The following EEA1 variants were observed in gnomAD, a reference collection of about 807,000 sequenced individuals.
The protein encoded by EEA1 is early endosome antigen 1, also known as early endosome antigen 1, 162kD.
Under a neutral mutation model 209.2 loss-of-function variants are expected in EEA1, and 111 were observed. That is an observed-to-expected ratio of 0.53 (90% CI 0.45 to 0.62). EEA1 has a LOEUF of 0.62. Among genes scored for constraint, EEA1 ranks in the 20% least tolerant of loss-of-function variants. EEA1 has a pLI of 0.00. For missense variants in EEA1, 1,343 were observed against 1,530.8 expected (o/e 0.88, Z 2.05); for synonymous variants, 536 against 540.6 (o/e 0.99, Z 0.12).
intron 3 of EEA1, among the ~76,000 whole-genome samples, chr12:92,863,285 G>A (rs1878229073): frequency 6.6e-6 from 1 of 152,182 alleles, no homozygotes. Context: ...AATCTGACTT[G>A]GCACTATGAC....
In EEA1 at chr12:92,925,698, G is replaced by GT. The variant is rs559629836; in HGVS notation, c.24+3344dup. Among the ~76,000 whole-genome samples the GT allele has an allele frequency of 1.1e-4, 16 of 152,210 alleles. No homozygotes were observed. The East Asian group carries it at 2.7e-3, about 26-fold the overall frequency. On this transcript the variant is annotated intron_variant, in intron 1 of 28. Coordinates refer to ENST00000322349, the MANE Select transcript of EEA1 (RefSeq NM_003566.4). Reference sequence around the variant, plus strand: ...TACTTCACTTTGGTTTTGTTTTGAGGTTTTTTTGTTTTTGTTTTCCAGCTT... The same window carrying GT: ...TACTTCACTTTGGTTTTGTTTTGAGGTTTTTTTTGTTTTTGTTTTCCAGCTT...
chr12:92,913,275 T>TC (rs1880643232), intron 1 of EEA1, among the ~76,000 whole-genome samples: 1 of 152,252 alleles, frequency 6.6e-6, no homozygotes, highest in Admixed American at 6.5e-5. Flanking sequence ...CAATGCATTT[T>TC]TAATTTGCAT....
intron 2 of EEA1, among the ~76,000 whole-genome samples, chr12:92,888,465 T>C (rs1463690182): frequency 6.6e-6 from 1 of 151,718 alleles, no homozygotes; most frequent in African/African-American, 2.4e-5. Flanking sequence ...TAGTCCCAGC[T>C]ACTCGGGAGG....
chr12:92,860,263 C>T (rs1261305294), intron 3 of EEA1, among the ~76,000 whole-genome samples: 7 of 152,126 alleles, frequency 4.6e-5, no homozygotes, highest in East Asian at 1.9e-4. Flanking sequence ...TACCAGATAA[C>T]GTTTTTTTTT....
Position 92,872,111 on chromosome 12 carries a change from C to T in EEA1, c.118-7124G>A, listed in dbSNP as rs186207289. ...TCGCCCAGGCTGGAGTGCAGTGGCA[C>T]GATCTTGGCTCACTGCAACCTCCTC... On this transcript the variant is annotated intron_variant, in intron 2 of 28. Coordinates refer to ENST00000322349, the MANE Select transcript of EEA1 (RefSeq NM_003566.4). Among the ~76,000 whole-genome samples, 27 of 148,852 alleles carry T rather than the reference C, an allele frequency of 1.8e-4. No homozygotes were observed. In the East Asian group the frequency reaches 4.9e-3, roughly 27 times the overall value.
intron 17 of EEA1, among the ~76,000 whole-genome samples, chr12:92,809,912 G>A (rs375073093): frequency 4.6e-5 from 7 of 152,216 alleles, no homozygotes; most frequent in South Asian, 2.1e-4. Context: ...AAGTTCTCAC[G>A]TACTCCTTCT....
chr12:92,896,368 G>A (rs1206355945), intron 1 of EEA1, among the ~76,000 whole-genome samples: 2 of 152,090 alleles, frequency 1.3e-5, no homozygotes, highest in East Asian at 3.8e-4. Flanking sequence ...TCTGCTACTG[G>A]AGAAGATGCT....
Position 92,798,387 on chromosome 12 carries a change from C to T in EEA1, c.2967+505G>A, listed in dbSNP as rs147113098. Among the ~76,000 whole-genome samples the T allele has an allele frequency of 3.1e-3, 461 of 150,938 alleles. 1 individual carries two copies. Among genetic ancestry groups the T allele is most frequent in the African/African-American group, 0.01 (430 of 41,058 alleles). ...AGACAGAGTACCTCTGTCGCCCAGG[C>T]TGAAGTGCAGCGGCATGATCTCAGC... On this transcript the variant is annotated intron_variant, in intron 21 of 28. Coordinates refer to ENST00000322349, the MANE Select transcript of EEA1 (RefSeq NM_003566.4).
chr12:92,815,974 G>T (rs938673192), intron 15 of EEA1, among the ~76,000 whole-genome samples: 2 of 151,418 alleles, frequency 1.3e-5, no homozygotes, highest in Non-Finnish European at 2.9e-5. Context: ...GAGAAAGGAA[G>T]AGTGAGAGGA....
rs187575332 is a variant in EEA1, at chr12:92,868,601, C to T, written c.118-3614G>A. Among the ~76,000 whole-genome samples the T allele has an allele frequency of 2.0e-3, 306 of 152,246 alleles. 3 individuals are homozygous for T. The highest frequency in any genetic ancestry group is 7.2e-3 in the African/African-American group (297 of 41,532). On this transcript the variant is annotated intron_variant, in intron 2 of 28. Coordinates refer to ENST00000322349, the MANE Select transcript of EEA1 (RefSeq NM_003566.4). ...ACTTCCAAAAATTACCAGATTAATA[C>T]CCTGAAATAAATGATTCATTCCTAA... is the stretch of plus-strand genomic sequence containing the variant.
intron 1 of EEA1, among the ~76,000 whole-genome samples, chr12:92,913,883 A>G (rs1443969798): frequency 6.6e-6 from 1 of 151,974 alleles, no homozygotes; most frequent in African/African-American, 2.4e-5. Flanking sequence ...CTGGTCTTCA[A>G]CTCATGACCT....
intron 1 of EEA1, 90 bp from the exon 2 acceptor site, chr12:92,891,811 T>A: frequency 1.2e-6 from 1 of 856,376 alleles, no homozygotes; most frequent in Non-Finnish European, 1.8e-6. Flanking sequence ...CCTTTTCACA[T>A]AAGAAAAGTA....
At chr12:92,898,708 T>G (rs1210757113) in intron 1 of EEA1, among the ~76,000 whole-genome samples, 2 of 149,154 alleles carry the variant, frequency 1.3e-5, no homozygotes, top group African/African-American at 4.9e-5. Flanking sequence ...AACTATGTCT[T>G]CTTTTTTTTT....
intron 22 of EEA1, among the ~76,000 whole-genome samples, 158 bp from the exon 23 acceptor site, chr12:92,782,293 A>G (rs1873939325): frequency 1.3e-5 from 2 of 152,244 alleles, no homozygotes; most frequent in Non-Finnish European, 2.9e-5. Context: ...ATTCTAAAAT[A>G]TTAACTCTCT....
chr12:92,838,708 G>A (rs1005297990), intron 10 of EEA1, among the ~76,000 whole-genome samples: 3 of 152,056 alleles, frequency 2.0e-5, no homozygotes, highest in African/African-American at 7.2e-5. Flanking sequence ...ATTTCACTTC[G>A]AGTATCTAAC....
chr12:92,798,392 G>A (rs1203979701), intron 21 of EEA1, among the ~76,000 whole-genome samples: 4 of 150,318 alleles, frequency 2.7e-5, no homozygotes, highest in Non-Finnish European at 5.9e-5. Flanking sequence ...CCAGGCTGAA[G>A]TGCAGCGGCA....
intron 22 of EEA1, among the ~76,000 whole-genome samples, chr12:92,785,564 GCTT>G (rs1874095324): frequency 6.6e-6 from 1 of 151,792 alleles, no homozygotes; most frequent in African/African-American, 2.4e-5. Context: ...TTTTTAATTA[GCTT>G]CTTAAGTAGT....
intron 21 of EEA1, among the ~76,000 whole-genome samples, chr12:92,788,283 TA>T (rs1555198791): frequency 6.6e-6 from 1 of 150,448 alleles, no homozygotes; most frequent in Non-Finnish European, 1.5e-5. Context: ...TTTTTTTTTT[TA>T]AAAAGGCATT....
chr12:92,896,663 C>T (rs1592764682), intron 1 of EEA1, among the ~76,000 whole-genome samples: 1 of 151,910 alleles, frequency 6.6e-6, no homozygotes, highest in African/African-American at 2.4e-5. Flanking sequence ...ATTAGCCAGG[C>T]GTGGTGGTGC....
Sources: allele counts gnomAD v4.1 joint callset (sites outside exome capture counted in the v4.1 genomes callset), GRCh38; gene constraint gnomAD v4.1.1; transcripts MANE v1.5; gene names NCBI Gene and HGNC (gene_info 2026-07-23, HGNC 2026-07-21).